The following GRM5 variants were observed in gnomAD, a reference collection of about 807,000 sequenced individuals.
GRM5 encodes glutamate metabotropic receptor 5, also known as metabotropic glutamate receptor 5.
A neutral mutation model predicts 83.1 loss-of-function variants in GRM5; 19 were observed. The observed-to-expected ratio is 0.23, with a 90% confidence interval of 0.16 to 0.34. The LOEUF is 0.34. GRM5 is among the 10% of genes least tolerant of loss of function. The probability of loss-of-function intolerance (pLI) is 1.00; values close to 1 mark genes in which losing one functional copy is unlikely to be tolerated. For synonymous variants in GRM5, 675 were observed against 633.6 expected, an observed-to-expected ratio of 1.07 and a Z score of -0.98; for missense variants, 1,160 against 1,588.3, an observed-to-expected ratio of 0.73 and a Z score of 4.58.
chr11:88,716,581 T>C lies in GRM5; in HGVS notation c.912-63178A>G, dbSNP rs373358780. Among the ~76,000 whole-genome samples the C allele has an allele frequency of 4.6e-5, 7 of 151,928 alleles. No homozygotes were observed. In the South Asian group the frequency reaches 1.5e-3, roughly 31 times the overall value. On this transcript the variant is annotated intron_variant, in intron 3 of 9. Coordinates refer to ENST00000305447, the MANE Select transcript of GRM5 (RefSeq NM_001143831.3). ...AGAGTGCTAGTCAACAATGTTAAGA[T>C]ACAAATATAATAAAAGAAATCAGGA... is the stretch of plus-strand genomic sequence containing the variant.
intron 2 of GRM5, among the ~76,000 whole-genome samples, chr11:88,876,417 C>T (rs945654735): frequency 1.2e-4 from 19 of 152,134 alleles, no homozygotes; most frequent in African/African-American, 4.3e-4. Flanking sequence ...CTAAAACTTT[C>T]TCTGTATCTG....
chr11:88,606,991 G>A (rs10128651), intron 4 of GRM5, among the ~76,000 whole-genome samples: 5,384 of 150,838 alleles, frequency 0.036, 299 homozygotes, highest in African/African-American at 0.12. Context: ...CTCTCCAAAG[G>A]TAGTATGTTG....
At chr11:88,630,661 C>A (rs1333905200) in intron 4 of GRM5, among the ~76,000 whole-genome samples, 2 of 152,052 alleles carry the variant, frequency 1.3e-5, no homozygotes, top group African/African-American at 4.8e-5. Context: ...TCACTGCAAC[C>A]TCTGCCTCGC....
chr11:88,916,939 C>G (rs555998199), intron 2 of GRM5, among the ~76,000 whole-genome samples: 2 of 152,236 alleles, frequency 1.3e-5, no homozygotes, highest in South Asian at 4.1e-4. Context: ...AAGACCTAGG[C>G]GTGGCAGGAT....
At chr11:88,717,800 T>C (rs1192250826) in intron 3 of GRM5, among the ~76,000 whole-genome samples, 1 of 151,844 alleles carries the variant, frequency 6.6e-6, no homozygotes, top group Non-Finnish European at 1.5e-5. Flanking sequence ...CACTAAATGG[T>C]TGAATTATAT....
chr11:88,830,550 A>G (rs1943970950), intron 3 of GRM5, among the ~76,000 whole-genome samples: 1 of 152,206 alleles, frequency 6.6e-6, no homozygotes. Flanking sequence ...CTTCTCTGCC[A>G]GGAGCCAGGA....
intron 3 of GRM5, among the ~76,000 whole-genome samples, chr11:88,714,534 T>C (rs546274705): frequency 2.1e-4 from 32 of 152,106 alleles, no homozygotes; most frequent in African/African-American, 7.5e-4. Context: ...TATAACCATA[T>C]AGTATTACAA....
At chr11:89,059,175 CTAATCAT>C (rs1429837289) in intron 1 of GRM5, among the ~76,000 whole-genome samples, 1 of 152,052 alleles carries the variant, frequency 6.6e-6, no homozygotes, top group Non-Finnish European at 1.5e-5. Context: ...TTGTGAACAA[CTAATCAT>C]TAGAGAATTT....
intron 4 of GRM5, among the ~76,000 whole-genome samples, chr11:88,628,496 C>A (rs1938870466): frequency 6.6e-6 from 1 of 152,190 alleles, no homozygotes; most frequent in Non-Finnish European, 1.5e-5. Context: ...TAGTCATGAA[C>A]CCTTGAGCTG....
intron 3 of GRM5, among the ~76,000 whole-genome samples, chr11:88,706,812 T>C (rs1404019528): frequency 6.6e-6 from 1 of 152,122 alleles, no homozygotes; most frequent in Non-Finnish European, 1.5e-5. Context: ...TAGCTTAGTG[T>C]AAGAATTAGT....
At chr11:88,595,969 A>G (rs1391836801) in intron 6 of GRM5, among the ~76,000 whole-genome samples, 1 of 152,124 alleles carries the variant, frequency 6.6e-6, no homozygotes, top group Non-Finnish European at 1.5e-5. Context: ...ACTCTATTCA[A>G]TCAATTCCTA....
chr11:88,703,646 G>A (rs113800278), intron 3 of GRM5, among the ~76,000 whole-genome samples: 140 of 152,090 alleles, frequency 9.2e-4, no homozygotes, highest in African/African-American at 2.4e-3. Flanking sequence ...TTACCCTCAC[G>A]ATATTCTTGT....
At chr11:88,988,318 T>A (rs1320149448) in intron 2 of GRM5, among the ~76,000 whole-genome samples, 2 of 150,398 alleles carry the variant, frequency 1.3e-5, no homozygotes, top group African/African-American at 4.9e-5. Flanking sequence ...GAAAAAAGAA[T>A]AAAAAGAAAT....
chr11:88,634,529 G>T (rs1939066759), intron 4 of GRM5, among the ~76,000 whole-genome samples: 1 of 152,038 alleles, frequency 6.6e-6, no homozygotes, highest in South Asian at 2.1e-4. Context: ...GGCATGCACA[G>T]GGTGAGGATC....
At chr11:88,625,215 T>C (rs1026442329) in intron 4 of GRM5, among the ~76,000 whole-genome samples, 6 of 152,074 alleles carry the variant, frequency 3.9e-5, no homozygotes, top group African/African-American at 1.4e-4. Flanking sequence ...AGAGCCAGGA[T>C]TTCTACCTCA....
At chr11:88,598,774 G>A (rs1364048163) in intron 5 of GRM5, among the ~76,000 whole-genome samples, 1 of 152,166 alleles carries the variant, frequency 6.6e-6, no homozygotes, top group Non-Finnish European at 1.5e-5. Context: ...ATGGGAGAAA[G>A]AGAAATGTCA....
intron 7 of GRM5, among the ~76,000 whole-genome samples, chr11:88,571,808 G>A (rs1943008187): frequency 6.6e-6 from 1 of 152,152 alleles, no homozygotes; most frequent in Non-Finnish European, 1.5e-5. Context: ...AGGACTGGTG[G>A]TGGTGTGGGG....
intron 3 of GRM5, among the ~76,000 whole-genome samples, chr11:88,778,336 C>G (rs1373765612): frequency 6.6e-6 from 1 of 152,194 alleles, no homozygotes; most frequent in Non-Finnish European, 1.5e-5. Flanking sequence ...GCAGGAGTGT[C>G]CCGTTTTTCC....
intron 3 of GRM5, among the ~76,000 whole-genome samples, chr11:88,848,120 G>GT (rs1409676893): frequency 6.6e-6 from 1 of 152,092 alleles, no homozygotes; most frequent in Non-Finnish European, 1.5e-5. Context: ...TACTGCAGTG[G>GT]TAACACTGCA....
Sources: allele counts gnomAD v4.1 joint callset (sites outside exome capture counted in the v4.1 genomes callset), GRCh38; gene constraint gnomAD v4.1.1; transcripts MANE v1.5; gene names NCBI Gene and HGNC (gene_info 2026-07-23, HGNC 2026-07-21).